Variants in DGKB observed in about 807,000 individuals in gnomAD.
DGKB encodes 90 kDa diacylglycerol kinase.
Under a neutral mutation model 114.3 loss-of-function variants are expected in DGKB, and 67 were observed. That is an observed-to-expected ratio of 0.59 (90% CI 0.48 to 0.72). The LOEUF (loss-of-function observed/expected upper bound fraction) is 0.72, where lower values mean the gene tolerates loss of function less well. Ranked by LOEUF, DGKB falls within the 30% of genes least tolerant of loss-of-function variation. The pLI is 0.00. For synonymous variants in DGKB, 398 were observed against 323.1 expected, an observed-to-expected ratio of 1.23 and a Z score of -2.49; for missense variants, 907 against 975.2, an observed-to-expected ratio of 0.93 and a Z score of 0.93.
intron 1 of DGKB, among the ~76,000 whole-genome samples, chr7:14,874,191 C>T (rs1169397929): frequency 6.6e-6 from 1 of 152,034 alleles, no homozygotes; most frequent in East Asian, 1.9e-4. Context: ...AAAATACGTA[C>T]AAATTCAGAG....
intron 13 of DGKB, among the ~76,000 whole-genome samples, chr7:14,662,217 A>G (rs985297569): frequency 4.1e-5 from 6 of 147,608 alleles, no homozygotes; most frequent in African/African-American, 1.5e-4. Context: ...ATTAAAAAAA[A>G]TAAAAATAAA....
intron 2 of DGKB, among the ~76,000 whole-genome samples, chr7:14,820,799 G>A (rs1418554596): frequency 6.6e-6 from 1 of 152,126 alleles, no homozygotes; most frequent in African/African-American, 2.4e-5. Flanking sequence ...AATTAACATA[G>A]TGTGTTTTCT....
intron 15 of DGKB, among the ~76,000 whole-genome samples, chr7:14,617,516 T>C (rs1020809375): frequency 1.3e-5 from 2 of 151,692 alleles, no homozygotes; most frequent in African/African-American, 4.8e-5. Context: ...AGTAATCTAC[T>C]GGACTCTTGG....
intron 23 of DGKB, among the ~76,000 whole-genome samples, chr7:14,254,315 G>A (rs1012363097): frequency 1.3e-5 from 2 of 152,122 alleles, no homozygotes; most frequent in Admixed American, 1.3e-4. Context: ...GCCATTTGTT[G>A]AGGGTGCAGG....
chr7:14,297,416 A>G (rs1802771844), intron 23 of DGKB, among the ~76,000 whole-genome samples: 1 of 152,180 alleles, frequency 6.6e-6, no homozygotes, highest in Non-Finnish European at 1.5e-5. Context: ...AAATCAATAA[A>G]CGTAAACCAT....
intron 13 of DGKB, among the ~76,000 whole-genome samples, chr7:14,648,587 C>T (rs1395130475): frequency 2.0e-5 from 3 of 152,132 alleles, no homozygotes; most frequent in Non-Finnish European, 4.4e-5. Flanking sequence ...AAGCAGAGCG[C>T]CTCTCCTCCT....
intron 23 of DGKB, among the ~76,000 whole-genome samples, chr7:14,189,668 T>A (rs915209892): frequency 2.6e-5 from 4 of 151,952 alleles, no homozygotes; most frequent in Non-Finnish European, 5.9e-5. Context: ...CTAAAAAAGA[T>A]TCACCTCAAA....
chr7:14,289,811 G>C (rs1266109560), intron 23 of DGKB, among the ~76,000 whole-genome samples: 1 of 148,440 alleles, frequency 6.7e-6, no homozygotes, highest in Non-Finnish European at 1.5e-5. Flanking sequence ...TGTGGTTTGA[G>C]AAACATGTCC....
intron 20 of DGKB, among the ~76,000 whole-genome samples, chr7:14,544,864 CT>C (rs1204192538): frequency 6.6e-6 from 1 of 152,078 alleles, no homozygotes; most frequent in Non-Finnish European, 1.5e-5. Context: ...TGTTTTTCCC[CT>C]GTAAGTCAGT....
chr7:14,869,020 C>A (rs1852086808), intron 1 of DGKB, among the ~76,000 whole-genome samples: 1 of 152,004 alleles, frequency 6.6e-6, no homozygotes, highest in African/African-American at 2.4e-5. Context: ...AACATTTTTT[C>A]AAATTCTAAG....
At chr7:14,690,888 A>T (rs1173517796) in intron 9 of DGKB, among the ~76,000 whole-genome samples, 3 of 152,240 alleles carry the variant, frequency 2.0e-5, no homozygotes, top group African/African-American at 7.2e-5. Flanking sequence ...TCATTGTGGT[A>T]ATCAGAATCA....
At chr7:14,938,086 G>A (rs1036996906) in intron 1 of DGKB, among the ~76,000 whole-genome samples, 1 of 152,136 alleles carries the variant, frequency 6.6e-6, no homozygotes, top group Non-Finnish European at 1.5e-5. Context: ...AGTGTCAATT[G>A]TATATGAATA....
At chr7:14,676,887 T>C (rs1292496465) in intron 12 of DGKB, among the ~76,000 whole-genome samples, 4 of 152,042 alleles carry the variant, frequency 2.6e-5, no homozygotes, top group Admixed American at 2.0e-4. Context: ...AACATTTTTG[T>C]TCAGTTATCT....
At chr7:14,534,444 C>T (rs1331018323) in intron 20 of DGKB, among the ~76,000 whole-genome samples, 1 of 151,974 alleles carries the variant, frequency 6.6e-6, no homozygotes, top group African/African-American at 2.4e-5. Flanking sequence ...AACAGTAAAA[C>T]CTTAGCCAAC....
At chr7:14,648,904 G>A (rs1563788396) in intron 13 of DGKB, among the ~76,000 whole-genome samples, 1 of 129,190 alleles carries the variant, frequency 7.7e-6, no homozygotes, top group African/African-American at 2.9e-5. Context: ...AGCAATGGAA[G>A]ATGAAATGAA....
intron 21 of DGKB, among the ~76,000 whole-genome samples, chr7:14,357,770 G>A (rs552219493): frequency 2.0e-5 from 3 of 152,212 alleles, no homozygotes; most frequent in African/African-American, 7.2e-5. Flanking sequence ...CTTCCTTCAG[G>A]AACTCTTGTA....
intron 17 of DGKB, among the ~76,000 whole-genome samples, chr7:14,590,726 T>C (rs112855550): frequency 8.3e-4 from 126 of 152,298 alleles, no homozygotes; most frequent in African/African-American, 2.9e-3. Flanking sequence ...TCCATAACTT[T>C]AGAATAGAAT....
chr7:14,393,704 A>G (rs1821787171), intron 21 of DGKB, among the ~76,000 whole-genome samples: 1 of 152,110 alleles, frequency 6.6e-6, no homozygotes, highest in African/African-American at 2.4e-5. Context: ...CTCACCATCT[A>G]TTTAACTATC....
chr7:14,773,923 G>GA (rs34287259), intron 2 of DGKB, among the ~76,000 whole-genome samples: 27,492 of 152,008 alleles, frequency 0.18, 4,277 homozygotes, highest in African/African-American at 0.43. Flanking sequence ...GGCAAAGGGG[G>GA]AAAAAGGCTC....
Sources: allele counts gnomAD v4.1 joint callset (sites outside exome capture counted in the v4.1 genomes callset), GRCh38; gene constraint gnomAD v4.1.1; transcripts MANE v1.5; gene names NCBI Gene and HGNC (gene_info 2026-07-23, HGNC 2026-07-21).